Variants in IPO11 observed in about 807,000 individuals in gnomAD.
IPO11 encodes importin 11.
A neutral mutation model predicts 143.2 loss-of-function variants in IPO11; 66 were observed. The observed-to-expected ratio is 0.46, with a 90% CI of 0.38 to 0.57. IPO11 has a LOEUF of 0.57. Among genes scored for constraint, IPO11 ranks in the 20% least tolerant of loss-of-function variants. IPO11 has a pLI of 0.00. For synonymous variants in IPO11, 385 were observed against 377.8 expected (o/e 1.02, Z -0.22); for missense variants, 1,026 against 1,141.0 (o/e 0.90, Z 1.45).
At chr5:62,522,044 T>C (rs184206698) in intron 20 of IPO11, among the ~76,000 whole-genome samples, 10 of 152,240 alleles carry the variant, frequency 6.6e-5, no homozygotes, top group African/African-American at 2.2e-4. Flanking sequence ...TTTTCTGTTT[T>C]TCATAGCAAA....
At chr5:62,486,258 G>A (rs1746402248) in intron 12 of IPO11, among the ~76,000 whole-genome samples, 1 of 152,156 alleles carries the variant, frequency 6.6e-6, no homozygotes. Context: ...GGGATTACAG[G>A]CGTGAGCCAC....
At chr5:62,552,265 A>G (rs908023026) in intron 26 of IPO11, among the ~76,000 whole-genome samples, 30 of 152,130 alleles carry the variant, frequency 2.0e-4, no homozygotes, top group Non-Finnish European at 4.4e-5. Context: ...ATTTTTTAAA[A>G]TCTTTTGGTT....
At chr5:62,463,825 A>T (rs941045108) in intron 5 of IPO11, among the ~76,000 whole-genome samples, 1 of 143,868 alleles carries the variant, frequency 7.0e-6, no homozygotes, top group Non-Finnish European at 1.5e-5. Context: ...TTACTTCTGT[A>T]TTTTTTTTTT....
chr5:62,466,339 G>T (rs976486679), intron 5 of IPO11, among the ~76,000 whole-genome samples: 1 of 152,206 alleles, frequency 6.6e-6, no homozygotes, highest in African/African-American at 2.4e-5. Context: ...TAACAGGATT[G>T]CAGCTCTGGT....
intron 29 of IPO11, among the ~76,000 whole-genome samples, chr5:62,626,728 G>T (rs1266231057): frequency 1.3e-5 from 2 of 151,738 alleles, no homozygotes; most frequent in Non-Finnish European, 2.9e-5. Flanking sequence ...TCCAGGGTAG[G>T]GCAAACACTG....
intron 14 of IPO11, 92 bp downstream of exon 14, chr5:62,489,441 T>C (rs1350391873): frequency 1.1e-4 from 81 of 754,368 alleles, no homozygotes; most frequent in Non-Finnish European, 1.5e-4. Flanking sequence ...GGTGTTGAGA[T>C]ACAAGAGTAA....
intron 9 of IPO11, among the ~76,000 whole-genome samples, chr5:62,480,607 A>C (rs1746157400): frequency 6.6e-6 from 1 of 151,746 alleles, no homozygotes; most frequent in African/African-American, 2.4e-5. Context: ...GTGTCCTCTT[A>C]TTTTGTTGAG....
In IPO11 at chr5:62,449,516, GT is replaced by G. The variant is rs57729816; in HGVS notation, c.240-400del. The stretch of plus-strand genomic sequence containing the variant: ...CTTGTATAGATTTTTTTTTAGCTGT[GT>G]TTTTTTTTTTCGTAGGCAACTATTT... On this transcript the variant is annotated intron_variant, in intron 3 of 29. Coordinates refer to ENST00000325324, the MANE Select transcript of IPO11 (RefSeq NM_016338.5). 7.6e-3 allele frequency among the ~76,000 whole-genome samples: 1,094 copies of G among 143,134 alleles called. 15 individuals are homozygous for G. The highest frequency in any genetic ancestry group is 0.032 in the Admixed American group (467 of 14,384). 93.9% of individuals were successfully genotyped at this position (143,134 alleles called of 152,430 possible).
intron 21 of IPO11, among the ~76,000 whole-genome samples, chr5:62,527,028 T>G (rs1471669209): frequency 6.6e-6 from 1 of 152,212 alleles, no homozygotes; most frequent in Non-Finnish European, 1.5e-5. Context: ...TTAACAGTTT[T>G]GGTTCTTAGA....
intron 5 of IPO11, among the ~76,000 whole-genome samples, chr5:62,459,501 G>T (rs1288386072): frequency 6.6e-6 from 1 of 151,796 alleles, no homozygotes; most frequent in Non-Finnish European, 1.5e-5. Flanking sequence ...GATACATTTT[G>T]GTAATTTAAT....
chr5:62,469,256 C>T (rs997587765), intron 6 of IPO11, among the ~76,000 whole-genome samples: 7 of 152,074 alleles, frequency 4.6e-5, no homozygotes, highest in African/African-American at 7.2e-5. Context: ...TTTCTCCTTA[C>T]GAAAACGAGG....
chr5:62,583,200 T>C lies in IPO11; in HGVS notation c.2583-8377T>C, dbSNP rs116102636. Reference sequence around the variant, plus strand: ...GTTGTATCCTCCCAACTCCTACAAATCCAATTATGTTTTTTCTTTAATTAC... The same window carrying C: ...GTTGTATCCTCCCAACTCCTACAAACCCAATTATGTTTTTTCTTTAATTAC... On this transcript the variant is annotated intron_variant, in intron 27 of 29. Coordinates refer to ENST00000325324, the MANE Select transcript of IPO11 (RefSeq NM_016338.5). 4.5e-3 allele frequency among the ~76,000 whole-genome samples: 691 copies of C among 152,258 alleles called. 5 individuals carry two copies. The highest frequency in any genetic ancestry group is 0.016 in the African/African-American group (648 of 41,554).
intron 7 of IPO11, 39 bp from the exon 8 acceptor site, chr5:62,474,377 A>G (rs1466740383): frequency 8.1e-7 from 1 of 1,238,998 alleles, no homozygotes. Flanking sequence ...AATGTTTATA[A>G]CAATAAATTG....
At chr5:62,607,920 G>A (rs1453883808) in intron 29 of IPO11, among the ~76,000 whole-genome samples, 5 of 151,922 alleles carry the variant, frequency 3.3e-5, no homozygotes, top group East Asian at 1.9e-4. Context: ...GGGTTCAAGC[G>A]ATTCTCCTGC....
chr5:62,541,361 A>G (rs1277969414), intron 24 of IPO11, among the ~76,000 whole-genome samples: 1 of 150,906 alleles, frequency 6.6e-6, no homozygotes, highest in African/African-American at 2.4e-5. Context: ...ACAAGAGCGA[A>G]ACGCTGTCTC....
chr5:62,488,507 A>G (rs1746491261), intron 13 of IPO11, among the ~76,000 whole-genome samples: 1 of 152,194 alleles, frequency 6.6e-6, no homozygotes, highest in Non-Finnish European at 1.5e-5. Flanking sequence ...TTGAGCCTTA[A>G]TGACAAGGAA....
intron 2 of IPO11, among the ~76,000 whole-genome samples, chr5:62,439,201 C>A (rs1221640439): frequency 2.0e-5 from 3 of 151,624 alleles, no homozygotes; most frequent in Admixed American, 6.6e-5. Context: ...TACTGCTGGA[C>A]CTTAAAAACC....
chr5:62,589,610 T>A (rs1023989918), intron 27 of IPO11, among the ~76,000 whole-genome samples: 2 of 152,172 alleles, frequency 1.3e-5, no homozygotes, highest in African/African-American at 4.8e-5. Flanking sequence ...TGCTACCATC[T>A]CTTCTGATGT....
At chr5:62,438,103 G>T (rs1437524988) in intron 2 of IPO11, among the ~76,000 whole-genome samples, 1 of 152,042 alleles carries the variant, frequency 6.6e-6, no homozygotes, top group African/African-American at 2.4e-5. Context: ...TCCCCGTTGG[G>T]TTAAAAACTG....
Sources: gnomAD v4.1 joint callset for allele counts (sites outside exome capture counted in the v4.1 genomes callset) on GRCh38, gnomAD v4.1.1 for gene constraint, MANE v1.5 for transcripts, NCBI Gene and HGNC (gene_info 2026-07-23, HGNC 2026-07-21) for gene names.